The following CPSF7 variants were observed in gnomAD, a reference collection of about 807,000 sequenced individuals.
CPSF7 encodes the protein cleavage and polyadenylation specific factor 7.
Under a neutral mutation model 44.3 loss-of-function variants are expected in CPSF7, and 1 was observed. The ratio of observed to expected loss-of-function variants is 0.02; its 90% CI spans 0.01 to 0.11. The LOEUF (loss-of-function observed/expected upper bound fraction) is 0.11, where lower values mean the gene tolerates loss of function less well. Ranked by LOEUF, CPSF7 falls within the 10% of genes least tolerant of loss-of-function variation. The pLI, the probability that CPSF7 is intolerant of heterozygous loss-of-function variation, is 1.00. For synonymous variants in CPSF7, 202 were observed against 222.0 expected (o/e 0.91, Z 0.80); for missense variants, 443 against 607.2 (o/e 0.73, Z 2.84).
rs1422895478 is a variant in CPSF7 at position 61,416,488 on chromosome 11, A to G, written c.555T>C (p.Ser185=). The G allele has an allele frequency of 3.7e-6, 6 of 1,614,042 alleles. No homozygotes were observed. The highest frequency in any genetic ancestry group is 5.1e-6 in the Non-Finnish European group (6 of 1,180,016). ...TGGCCCGTCCATCAGCAGAATCACT[A>G]GAATCTCGGGAATGGGCCCGTGGAG... The part of the protein sequence containing the change: ...RIPPRAHSRD[S]SDSADGRATP... Residue 185 remains serine (S), a synonymous_variant, in exon 6 of 10, where the codon TCT becomes TCC. Transcript: ENST00000439958.
chr11:61,411,715 C>A, intron 8 of CPSF7, 54 bp downstream of exon 8: 2 of 1,532,744 alleles, frequency 1.3e-6, no homozygotes, highest in Non-Finnish European at 9.0e-7. Flanking sequence ...CACTCCCTAT[C>A]CCTGGAAGAG....
intron 1 of CPSF7, 85 bp downstream of exon 1, chr11:61,429,829 A>AT (rs1229576856): frequency 6.5e-7 from 1 of 1,545,854 alleles, no homozygotes; most frequent in Non-Finnish European, 8.7e-7. Flanking sequence ...CGGCCGTCCC[A>AT]TCTCAACCGA....
At chr11:61,420,196 C>A in intron 4 of CPSF7, 102 bp from the exon 5 acceptor site, 1 of 964,856 alleles carries the variant, frequency 1.0e-6, no homozygotes, top group African/African-American at 1.7e-5. Context: ...AAGCAAAGGA[C>A]ATCTTGCTAA....
chr11:61,419,767 C>G (rs759880489), intron 5 of CPSF7, among the ~76,000 whole-genome samples, 182 bp downstream of exon 5: 2 of 152,198 alleles, frequency 1.3e-5, no homozygotes, highest in African/African-American at 2.4e-5. Context: ...GCTCTTTCTT[C>G]TATATAGACC....
At chr11:61,408,481 C>G (rs1426245203) in intron 9 of CPSF7, among the ~76,000 whole-genome samples, 2 of 152,146 alleles carry the variant, frequency 1.3e-5, no homozygotes, top group Non-Finnish European at 2.9e-5. Flanking sequence ...TCTGCAACCA[C>G]AAAATTAAGA....
At chr11:61,406,486 G>T (rs1047292157) in intron 9 of CPSF7, among the ~76,000 whole-genome samples, 2 of 152,220 alleles carry the variant, frequency 1.3e-5, no homozygotes, top group African/African-American at 4.8e-5. Flanking sequence ...GGGTGAGAAT[G>T]TAAGAAATTG....
chr11:61,414,623 A>G (rs1860148928), intron 7 of CPSF7, among the ~76,000 whole-genome samples: 1 of 152,238 alleles, frequency 6.6e-6, no homozygotes, highest in East Asian at 1.9e-4. Context: ...ATTTCTTAGG[A>G]GATCTGATAA....
intron 2 of CPSF7, among the ~76,000 whole-genome samples, chr11:61,422,896 G>A (rs1269480814): frequency 1.3e-5 from 2 of 151,894 alleles, no homozygotes; most frequent in Admixed American, 6.6e-5. Context: ...ACTTTAGGAC[G>A]CAGAGATAGG....
intron 9 of CPSF7, among the ~76,000 whole-genome samples, chr11:61,407,882 T>C (rs891151398): frequency 3.3e-5 from 5 of 152,146 alleles, no homozygotes; most frequent in Non-Finnish European, 5.9e-5. Flanking sequence ...TCCAACTATT[T>C]ACATTCCAGC....
At chr11:61,421,703 T>C in intron 2 of CPSF7, 95 bp from the exon 3 acceptor site, 1 of 884,272 alleles carries the variant, frequency 1.1e-6, no homozygotes, top group Non-Finnish European at 1.8e-6. Flanking sequence ...AAATACTTGG[T>C]AAAACATGTA....
chr11:61,415,549 C>G, intron 7 of CPSF7, 117 bp downstream of exon 7: 1 of 695,300 alleles, frequency 1.4e-6, no homozygotes, highest in Non-Finnish European at 2.6e-6. Flanking sequence ...GTATGCCGCT[C>G]TTGATATCTA....
Position 61,429,962 on chromosome 11 carries a change from G to C in CPSF7, c.-104C>G, listed in dbSNP as rs1861812484. On this transcript the variant is annotated 5_prime_UTR_variant, in exon 1 of 10. Coordinates refer to ENST00000439958, the MANE Select transcript of CPSF7 (RefSeq NM_001142565.3). The stretch of plus-strand genomic sequence containing the variant: ...CGAGTCCGGACTAGGCCCGAAGCGC[G>C]CGAACCGCTCTCCGCCCCAGGTCCC... 2.3e-6 allele frequency: 3 copies of C among 1,315,744 alleles called. No individual in the cohort carries two copies. Among genetic ancestry groups the C allele is most frequent in the African/African-American group, 1.6e-5 (1 of 64,024 alleles). The allele number at this position is 1,315,744 out of a possible 1,614,324, so 81.5% of individuals were successfully genotyped here.
At chr11:61,427,911 T>G (rs1490795413) in intron 2 of CPSF7, among the ~76,000 whole-genome samples, 1 of 152,216 alleles carries the variant, frequency 6.6e-6, no homozygotes, top group Non-Finnish European at 1.5e-5. Flanking sequence ...AAATGGCATG[T>G]ATCCGCCTCT....
At chr11:61,427,611 C>T (rs1446761835) in intron 2 of CPSF7, among the ~76,000 whole-genome samples, 1 of 150,842 alleles carries the variant, frequency 6.6e-6, no homozygotes, top group African/African-American at 2.4e-5. Context: ...CGAGATCGCG[C>T]CACTGCACTC....
intron 1 of CPSF7, chr11:61,429,543 G>T: frequency 1.7e-6 from 1 of 578,552 alleles, no homozygotes; most frequent in Non-Finnish European, 2.9e-6. Flanking sequence ...TGGCGCGACG[G>T]AAAAGTCCCA....
intron 3 of CPSF7, 130 bp from the exon 4 acceptor site, chr11:61,420,703 A>G: frequency 1.5e-6 from 1 of 674,696 alleles, no homozygotes; most frequent in Non-Finnish European, 2.6e-6. Flanking sequence ...CAATATTTCA[A>G]TTAGTGCAGA....
chr11:61,403,098 A>T lies in CPSF7; in HGVS notation c.*1612T>A, dbSNP rs968374410. The T allele has an allele frequency of 6.6e-6, 1 of 152,340 alleles. No individual in the cohort carries two copies. Among genetic ancestry groups the T allele is most frequent in the Non-Finnish European group, 1.5e-5 (1 of 68,014 alleles). The allele number at this position is 152,340 out of a possible 1,614,324, so 9.4% of individuals were successfully genotyped here. A position where few individuals can be genotyped will look rare whatever the true frequency, so the allele number is the denominator to read the frequency against. ...GGATGGGGTTGGGGGACAGGGGAAA[A>T]AAAGCTCCAACCTGTAGCCTCTGTC... On this transcript the variant is annotated 3_prime_UTR_variant, in exon 10 of 10. Coordinates refer to ENST00000439958, the MANE Select transcript of CPSF7 (RefSeq NM_001142565.3).
chr11:61,419,397 C>T (rs982292171), intron 5 of CPSF7, among the ~76,000 whole-genome samples: 1 of 152,192 alleles, frequency 6.6e-6, no homozygotes, highest in African/African-American at 2.4e-5. Context: ...CACCCTCTCC[C>T]CTGGACAATG....
intron 5 of CPSF7, among the ~76,000 whole-genome samples, chr11:61,418,682 C>A (rs967025511): frequency 2.0e-5 from 3 of 151,880 alleles, no homozygotes; most frequent in Non-Finnish European, 4.4e-5. Context: ...ATTGGGGAAA[C>A]TGTCCTCAAA....
Sources: gnomAD v4.1 joint callset for allele counts (sites outside exome capture counted in the v4.1 genomes callset) on GRCh38, gnomAD v4.1.1 for gene constraint, MANE v1.5 for transcripts, NCBI Gene and HGNC (gene_info 2026-07-23, HGNC 2026-07-21) for gene names.